ACBD5: variants seen among roughly 807,000 people sequenced by gnomAD.
ACBD5 encodes acyl-CoA-binding domain-containing protein 5.
A neutral mutation model predicts 71.8 loss-of-function variants in ACBD5; 40 were observed. That is an observed-to-expected ratio of 0.56 (90% confidence interval 0.43 to 0.72). ACBD5 has a LOEUF of 0.72. Among genes scored for constraint, ACBD5 ranks in the 30% least tolerant of loss-of-function variants. The probability of loss-of-function intolerance (pLI) is 0.00; values close to 1 mark genes in which losing one functional copy is unlikely to be tolerated. For missense variants in ACBD5, 559 were observed against 644.5 expected, an observed-to-expected ratio of 0.87 and a Z score of 1.44; for synonymous variants, 229 against 218.6, an observed-to-expected ratio of 1.05 and a Z score of -0.42.
In ACBD5 at chr10:27,210,901, C is replaced by T; in HGVS notation, c.1117G>A (p.Glu373Lys). The T allele has an allele frequency of 6.2e-7, 1 of 1,614,254 alleles. No individual in the cohort carries two copies. Among genetic ancestry groups the T allele is most frequent in the Non-Finnish European group, 8.5e-7 (1 of 1,180,050 alleles). ...EGKGEVKHGG[E>K]DGRNNSGAPH... is the part of the protein sequence containing the mutation. ...GCTCCGCTGTTATTCCTGCCATCTT[C>T]TCCTCCATGCTTGACTTCACCTTTT... is the stretch of plus-strand genomic sequence containing the variant. Residue 373 changes from glutamate (E) to lysine (K), a missense_variant, in exon 9 of 13, where the codon GAA becomes AAA. Coordinates refer to ENST00000396271, the MANE Select transcript of ACBD5 (RefSeq NM_145698.5).
At chr10:27,226,287 T>C (rs1206714360) in intron 4 of ACBD5, among the ~76,000 whole-genome samples, 1 of 152,060 alleles carries the variant, frequency 6.6e-6, no homozygotes, top group Non-Finnish European at 1.5e-5. Context: ...TAGGAAGTTT[T>C]TCAGCCCTTT....
At chr10:27,213,058 CAG>C (rs1210793787) in intron 8 of ACBD5, among the ~76,000 whole-genome samples, 5 of 151,966 alleles carry the variant, frequency 3.3e-5, no homozygotes, top group Non-Finnish European at 7.4e-5. Flanking sequence ...AGGTAGGAAA[CAG>C]AATGGGGAGA....
At chr10:27,232,719 G>A (rs1026881152) in intron 3 of ACBD5, among the ~76,000 whole-genome samples, 4 of 152,038 alleles carry the variant, frequency 2.6e-5, no homozygotes, top group African/African-American at 9.7e-5. Flanking sequence ...AAATGGAAAT[G>A]GTTTCTCACT....
chr10:27,241,678 G>GGCAA (rs2065510975), upstream of ACBD5, among the ~76,000 whole-genome samples: 1 of 151,432 alleles, frequency 6.6e-6, no homozygotes, highest in African/African-American at 2.4e-5. Flanking sequence ...GACGAGCCTG[G>GGCAA]CAACATGGCG....
intron 2 of ACBD5, among the ~76,000 whole-genome samples, chr10:27,237,942 A>ATTTT (rs2064958370): frequency 7.1e-6 from 1 of 141,222 alleles, no homozygotes; most frequent in Admixed American, 7.4e-5. Context: ...TTTTAAATTT[A>ATTTT]ATTTAATTTA....
At chr10:27,184,714 C>T (rs574560353) in intron 13 of ACBD5, among the ~76,000 whole-genome samples, 1 of 152,000 alleles carries the variant, frequency 6.6e-6, no homozygotes, top group Admixed American at 6.6e-5. Flanking sequence ...CTGCATCCCA[C>T]CACACCTGGC....
chr10:27,219,769 T>C lies in ACBD5; in HGVS notation c.579A>G (p.Glu193=), dbSNP rs1201903524. Residue 193 remains glutamate, a synonymous_variant, in exon 6 of 13, where the codon GAA becomes GAG. Transcript: ENST00000396271. ...CTTTCACTTCTTCTTGGGCCTCTTC[T>C]TCCTCAGACTCGGCTCCACTGTCAC... ...ESSDSGAESE[E]EEAQEEVKGA... is the part of the protein sequence containing the mutation. 6.2e-7 allele frequency: 1 copy of C among 1,614,128 alleles called. No individual in the cohort carries two copies.
intron 9 of ACBD5, among the ~76,000 whole-genome samples, chr10:27,209,808 T>A (rs907161388): frequency 6.6e-6 from 1 of 152,228 alleles, no homozygotes; most frequent in East Asian, 1.9e-4. Context: ...TGAACACTTA[T>A]CTGCCTCATT....
chr10:27,204,681 A>T, intron 11 of ACBD5, 132 bp from the exon 12 acceptor site: 1 of 711,428 alleles, frequency 1.4e-6, no homozygotes. Flanking sequence ...TGAAAGAAGA[A>T]AGATATTCTG....
chr10:27,205,340 T>C (rs1305691480), intron 10 of ACBD5, 92 bp from the exon 11 acceptor site: 18 of 1,354,576 alleles, frequency 1.3e-5, no homozygotes, highest in African/African-American at 4.3e-5. Flanking sequence ...GGCAGAAATA[T>C]TGAGGTTTTT....
rs1055051033 is a variant in ACBD5, at chr10:27,196,724, A to G, written c.*706T>C. 2 of 454,358 alleles carry G rather than the reference A, an allele frequency of 4.4e-6. No individual in the cohort carries two copies. Among genetic ancestry groups the G allele is most frequent in the African/African-American group, 4.0e-5 (2 of 50,018 alleles). 28.1% of individuals were successfully genotyped at this position (454,358 alleles called of 1,614,324 possible). A position where few individuals can be genotyped will look rare whatever the true frequency, so the allele number is the denominator to read the frequency against. ...TTAATCATCTACAGGCTCAGAATAC[A>G]CTTTTAAACCTACATGAAGCTCATT... On this transcript the variant is annotated 3_prime_UTR_variant, in exon 13 of 13. Coordinates refer to ENST00000396271, the MANE Select transcript of ACBD5 (RefSeq NM_145698.5).
chr10:27,189,454 A>C (rs966332136), intron 13 of ACBD5, among the ~76,000 whole-genome samples: 1 of 152,238 alleles, frequency 6.6e-6, no homozygotes, highest in Non-Finnish European at 1.5e-5. Context: ...TACCCTGGCC[A>C]ACATAGCAAG....
At chr10:27,239,190 T>C (rs141211394) in intron 2 of ACBD5, among the ~76,000 whole-genome samples, 1 of 152,148 alleles carries the variant, frequency 6.6e-6, no homozygotes, top group Non-Finnish European at 1.5e-5. Context: ...AGAGCGGAAC[T>C]CCATCTCTAA....
intron 2 of ACBD5, among the ~76,000 whole-genome samples, chr10:27,239,717 T>C (rs1339326126): frequency 1.3e-5 from 2 of 149,864 alleles, no homozygotes; most frequent in African/African-American, 4.9e-5. Context: ...TGTGTGGCAT[T>C]AGGCATCCCC....
chr10:27,218,740 T>G (rs2061958893), intron 6 of ACBD5, among the ~76,000 whole-genome samples: 1 of 151,884 alleles, frequency 6.6e-6, no homozygotes, highest in Non-Finnish European at 1.5e-5. Flanking sequence ...CGCCCGCCAC[T>G]ATGCCTGGCT....
At chr10:27,203,790 C>A (rs2060183121) in intron 12 of ACBD5, among the ~76,000 whole-genome samples, 1 of 151,616 alleles carries the variant, frequency 6.6e-6, no homozygotes, top group African/African-American at 2.4e-5. Flanking sequence ...AAAGTACCTC[C>A]AAATTCCTTT....
chr10:27,184,979 T>C (rs12414055), intron 13 of ACBD5, among the ~76,000 whole-genome samples: 11,906 of 152,236 alleles, frequency 0.078, 532 homozygotes, highest in South Asian at 0.16. Context: ...CTCAGTGATA[T>C]AGAGCTTCCA....
At chr10:27,228,811 A>AT (rs2063446901) in intron 4 of ACBD5, among the ~76,000 whole-genome samples, 3 of 15,876 alleles carry the variant, frequency 1.9e-4, no homozygotes, top group African/African-American at 3.3e-4. Flanking sequence ...ATATATATAT[A>AT]TATATTTTTT....
At chr10:27,227,896 A>G (rs1206806627) in intron 4 of ACBD5, among the ~76,000 whole-genome samples, 2 of 152,006 alleles carry the variant, frequency 1.3e-5, no homozygotes, top group Non-Finnish European at 2.9e-5. Flanking sequence ...GTATTTTAGT[A>G]GAGATGGAGT....
Sources: allele counts gnomAD v4.1 joint callset (sites outside exome capture counted in the v4.1 genomes callset), GRCh38; gene constraint gnomAD v4.1.1; transcripts MANE v1.5; gene names NCBI Gene and HGNC (gene_info 2026-07-23, HGNC 2026-07-21).